KCNT2: variants seen among roughly 807,000 people sequenced by gnomAD.
The protein encoded by KCNT2 is potassium channel subfamily T member 2.
KCNT2 carries 67 observed loss-of-function variants against 153.8 expected under a neutral mutation model. That is an observed-to-expected ratio of 0.44 (90% CI 0.36 to 0.53). KCNT2 has a LOEUF of 0.53. Among genes scored for constraint, KCNT2 ranks in the 20% least tolerant of loss-of-function variants. The pLI is 0.00. For synonymous variants in KCNT2, 500 were observed against 458.8 expected, an observed-to-expected ratio of 1.09 and a Z score of -1.15; for missense variants, 975 against 1,354.8, an observed-to-expected ratio of 0.72 and a Z score of 4.40.
chr1:196,255,238 A>G (rs1033770110), intron 26 of KCNT2, among the ~76,000 whole-genome samples: 2 of 151,794 alleles, frequency 1.3e-5, no homozygotes, highest in Non-Finnish European at 3.0e-5. Context: ...TTTCACTTGC[A>G]TTCTATTATT....
chr1:196,578,834 T>A (rs1056167362), intron 1 of KCNT2, among the ~76,000 whole-genome samples: 1 of 152,174 alleles, frequency 6.6e-6, no homozygotes, highest in Non-Finnish European at 1.5e-5. Context: ...CTTCCAATTA[T>A]TTTTTTGTAT....
chr1:196,326,274 T>C lies in KCNT2; in HGVS notation c.2276+443A>G, dbSNP rs190799729. Among the ~76,000 whole-genome samples the C allele has an allele frequency of 7.9e-5, 12 of 152,246 alleles. No individual in the cohort carries two copies. The East Asian group carries it at 2.3e-3, about 29-fold the overall frequency. On this transcript the variant is annotated intron_variant, in intron 19 of 27. Coordinates refer to ENST00000294725, the MANE Select transcript of KCNT2 (RefSeq NM_198503.5). Reference sequence around the variant, plus strand: ...TGGTTTAACAGTGGTCCAGTCATAATAACCTCTGATGATGCTTTGTGTTAT... The same window carrying C: ...TGGTTTAACAGTGGTCCAGTCATAACAACCTCTGATGATGCTTTGTGTTAT...
In KCNT2 at chr1:196,432,015, GA is replaced by G. The variant is rs1263175737; in HGVS notation, c.639-2259del. Reference sequence around the variant, plus strand: ...CCAGAGTGTGAAAGGTTTGAGGGCAGAATAGTTTCAACGGAGGAAACCAGGG... The same window carrying G: ...CCAGAGTGTGAAAGGTTTGAGGGCAGATAGTTTCAACGGAGGAAACCAGGG... On this transcript the variant is annotated intron_variant, in intron 8 of 27. Transcript: ENST00000294725. Among the ~76,000 whole-genome samples the G allele has an allele frequency of 7.9e-5, 12 of 152,166 alleles. No homozygotes were observed. In the South Asian group the frequency reaches 2.3e-3, roughly 29 times the overall value.
At chr1:196,337,549 A>C (rs910502258) in intron 16 of KCNT2, among the ~76,000 whole-genome samples, 3 of 151,970 alleles carry the variant, frequency 2.0e-5, no homozygotes, top group Non-Finnish European at 4.4e-5. Flanking sequence ...GTTCGTCCTC[A>C]TCTCCTACTA....
At chr1:196,320,455 T>C (rs1389445172) in intron 19 of KCNT2, among the ~76,000 whole-genome samples, 1 of 151,774 alleles carries the variant, frequency 6.6e-6, no homozygotes, top group Non-Finnish European at 1.5e-5. Context: ...AAACAAACAA[T>C]ATGTTATATT....
chr1:196,591,725 A>C (rs1663385789), intron 1 of KCNT2, among the ~76,000 whole-genome samples: 1 of 152,144 alleles, frequency 6.6e-6, no homozygotes, highest in African/African-American at 2.4e-5. Flanking sequence ...GATATCCTTC[A>C]AGTACTTCTT....
Position 196,282,367 on chromosome 1 carries a change from A to G in KCNT2, c.2698-11T>C. 7.4e-7 allele frequency: 1 copy of G among 1,344,878 alleles called. No homozygotes were observed. The highest frequency in any genetic ancestry group is 1.1e-6 in the Non-Finnish European group (1 of 938,922). The allele number at this position is 1,344,878 out of a possible 1,614,324, so 83.3% of individuals were successfully genotyped here. On this transcript the variant is annotated splice_polypyrimidine_tract_variant and intron_variant, in intron 23 of 27. Transcript: ENST00000294725. ...ATCCTTCACAAATGACTGCAATATA[A>G]ACAAACAAACAATATATAAATGTAT...
At chr1:196,393,484 T>C (rs1220088326) in intron 13 of KCNT2, among the ~76,000 whole-genome samples, 1 of 151,664 alleles carries the variant, frequency 6.6e-6, no homozygotes, top group African/African-American at 2.4e-5. Flanking sequence ...TCAGCTGAAA[T>C]TGATTAACTG....
chr1:196,344,356 A>C (rs543407945), intron 14 of KCNT2, among the ~76,000 whole-genome samples: 33 of 152,280 alleles, frequency 2.2e-4, no homozygotes, highest in African/African-American at 7.2e-4. Context: ...ATTCTTCCAT[A>C]ATGTTAACGT....
chr1:196,397,689 A>T (rs1671061609), intron 13 of KCNT2, among the ~76,000 whole-genome samples: 1 of 151,520 alleles, frequency 6.6e-6, no homozygotes, highest in South Asian at 2.1e-4. Context: ...TTTTCTTATC[A>T]TTGCATCAAA....
At chr1:196,488,640 T>C (rs532041744) in intron 3 of KCNT2, among the ~76,000 whole-genome samples, 1 of 152,108 alleles carries the variant, frequency 6.6e-6, no homozygotes, top group South Asian at 2.1e-4. Flanking sequence ...GCTGATATGA[T>C]TGTAGAATAA....
intron 1 of KCNT2, among the ~76,000 whole-genome samples, chr1:196,520,186 AC>A: frequency 6.6e-6 from 1 of 152,202 alleles, no homozygotes; most frequent in East Asian, 1.9e-4. Context: ...CATCACATAA[AC>A]AGAACTAAAG....
intron 1 of KCNT2, among the ~76,000 whole-genome samples, chr1:196,601,476 T>C (rs181191734): frequency 3.1e-4 from 47 of 152,336 alleles, no homozygotes; most frequent in Non-Finnish European, 2.9e-5. Context: ...TGATAATTAG[T>C]AGGGTGTTTA....
chr1:196,550,042 G>T (rs1048629536), intron 1 of KCNT2, among the ~76,000 whole-genome samples: 5 of 151,842 alleles, frequency 3.3e-5, no homozygotes, highest in Non-Finnish European at 5.9e-5. Context: ...CCCCATATCA[G>T]AATGATATAC....
At chr1:196,286,640 C>T (rs1370863756) in intron 22 of KCNT2, among the ~76,000 whole-genome samples, 42 of 129,446 alleles carry the variant, frequency 3.2e-4, no homozygotes, top group East Asian at 6.3e-4. Flanking sequence ...CACACACATA[C>T]ACACACACAC....
chr1:196,243,366 C>T (rs529730520), intron 26 of KCNT2, among the ~76,000 whole-genome samples: 28 of 152,110 alleles, frequency 1.8e-4, no homozygotes, highest in Non-Finnish European at 3.5e-4. Flanking sequence ...AAAAAAAACA[C>T]CTTCATAAAA....
At chr1:196,339,256 T>C (rs1477357699) in intron 16 of KCNT2, among the ~76,000 whole-genome samples, 1 of 152,010 alleles carries the variant, frequency 6.6e-6, no homozygotes, top group Non-Finnish European at 1.5e-5. Context: ...ATGGTCAATA[T>C]TCTTGTCATA....
chr1:196,242,379 G>A (rs969447183), intron 26 of KCNT2, among the ~76,000 whole-genome samples: 4 of 151,878 alleles, frequency 2.6e-5, no homozygotes, highest in Non-Finnish European at 5.9e-5. Context: ...AACACAAATA[G>A]CATATTTATT....
intron 1 of KCNT2, among the ~76,000 whole-genome samples, chr1:196,571,162 T>A (rs569193186): frequency 6.6e-6 from 1 of 152,268 alleles, no homozygotes; most frequent in South Asian, 2.1e-4. Flanking sequence ...AAATAATAGA[T>A]GTTTTAAGAA....
Sources: gnomAD v4.1 joint callset for allele counts (sites outside exome capture counted in the v4.1 genomes callset) on GRCh38, gnomAD v4.1.1 for gene constraint, MANE v1.5 for transcripts, NCBI Gene and HGNC (gene_info 2026-07-23, HGNC 2026-07-21) for gene names.